Variants in POU2F2 observed in about 807,000 individuals in gnomAD.
The protein encoded by POU2F2 is POU domain, class 2, transcription factor 2.
Under a neutral mutation model 63.5 loss-of-function variants are expected in POU2F2, and 14 were observed. The observed-to-expected ratio is 0.22, with a 90% confidence interval of 0.15 to 0.34. The LOEUF is 0.34. Ranked by LOEUF, POU2F2 falls within the 10% of genes least tolerant of loss-of-function variation. POU2F2 has a pLI of 1.00. For missense variants in POU2F2, 607 were observed against 815.2 expected (o/e 0.74, Z 3.11); for synonymous variants, 306 against 348.6 (o/e 0.88, Z 1.36).
At chr19:42,134,889 G>C (rs749276583), upstream of POU2F2, among the ~76,000 whole-genome samples, 35 of 152,050 alleles carry the variant, frequency 2.3e-4, no homozygotes, top group Non-Finnish European at 4.4e-4. Context: ...CCGGCGAGTC[G>C]ATCAAATACA....
rs1359317421 is a variant in POU2F2 at position 42,087,205 on chromosome 19, C to G, written c.*4052G>C. 4.1e-5 allele frequency: 6 copies of G among 146,218 alleles called. No homozygotes were observed. The highest frequency in any genetic ancestry group is 1.5e-4 in the African/African-American group (6 of 39,400). 9.1% of individuals were successfully genotyped at this position (146,218 alleles called of 1,614,324 possible). On this transcript the variant is annotated 3_prime_UTR_variant, in exon 15 of 15. Coordinates refer to ENST00000692977, the MANE Select transcript of POU2F2 (RefSeq NM_001394376.1). ...TTTTTTCTCTTGGAGGCCTTTATCT[C>G]TCGCACTTGCCTTTCCCACTCAGAG...
In POU2F2 at chr19:42,145,495, A is replaced by G. The variant is rs574233264; in HGVS notation, c.-9+14837T>C. 2.6e-5 allele frequency among the ~76,000 whole-genome samples: 4 copies of G among 152,380 alleles called. No homozygotes were observed. The South Asian group carries it at 8.3e-4, about 32-fold the overall frequency. The stretch of plus-strand genomic sequence containing the variant: ...TATTAGCCCAGATCGCATGAGACAC[A>G]GTGCCTGTCATCGTTGAAGCAAACT... On this transcript the variant is annotated intron_variant, in intron 2 of 6. Transcript: ENST00000524801.
At chr19:42,175,437 G>C (rs2034854927) in intron 1 of POU2F2, among the ~76,000 whole-genome samples, 1 of 151,982 alleles carries the variant, frequency 6.6e-6, no homozygotes, top group South Asian at 2.1e-4. Flanking sequence ...CTGGCAACAG[G>C]GGAAATGAGT....
rs1447034437 is a variant in POU2F2, at chr19:42,105,998, T to TC, written c.370-6178_370-6177insG. On this transcript the variant is annotated intron_variant, in intron 5 of 14. Coordinates refer to ENST00000692977, the MANE Select transcript of POU2F2 (RefSeq NM_001394376.1). The stretch of plus-strand genomic sequence containing the variant: ...AACATATGATATATAGGATCTTTCT[T>TC]TTTTCTTTCTTTCTTTCTTTCTTTC... Among the ~76,000 whole-genome samples, 51 of 137,982 alleles carry TC rather than the reference T, an allele frequency of 3.7e-4. No individual in the cohort carries two copies. In the Middle Eastern group the frequency reaches 0.011, roughly 30 times the overall value. 90.5% of individuals were successfully genotyped at this position (137,982 alleles called of 152,430 possible).
chr19:42,154,060 G>A (rs984243719), intron 2 of POU2F2, among the ~76,000 whole-genome samples: 2 of 151,150 alleles, frequency 1.3e-5, no homozygotes, highest in African/African-American at 4.9e-5. Flanking sequence ...TCCACCAAGC[G>A]ACCTCCGTCC....
intron 1 of POU2F2, among the ~76,000 whole-genome samples, chr19:42,189,564 T>C (rs2035053213): frequency 6.6e-6 from 1 of 152,188 alleles, no homozygotes; most frequent in Non-Finnish European, 1.5e-5. Context: ...ATAAATATCT[T>C]TCTTGCTTAA....
intron 1 of POU2F2, among the ~76,000 whole-genome samples, chr19:42,184,293 A>T: frequency 6.6e-6 from 1 of 152,116 alleles, no homozygotes; most frequent in East Asian, 1.9e-4. Flanking sequence ...CTCTGGGCCA[A>T]GACTGGGGAT....
In POU2F2 at chr19:42,122,542, C is replaced by A; in HGVS notation, c.63G>T (p.Lys21Asn). ...IRMSKPLEAE[K>N]QGLDSPSEHT... ...GCTCTGATGGGGAGTCCAGACCTTG[C>A]TTCTCGGCCTCCAGGGGCTTAGACA... The change falls in exon 2 of 15, where the codon AAG (lysine) becomes AAT (asparagine). Residue 21 changes from lysine to asparagine, a missense_variant. Lys to Asn is a moderately conservative substitution (Grantham distance 94, BLOSUM62 0). This residue lies in a region of POU2F2 where 224 missense variants were observed against 264.3 expected (regional missense o/e 0.85). Transcript: ENST00000692977. The A allele has an allele frequency of 6.2e-7, 1 of 1,605,056 alleles. No individual in the cohort carries two copies. Among genetic ancestry groups the A allele is most frequent in the Non-Finnish European group, 8.5e-7 (1 of 1,175,784 alleles).
chr19:42,141,473 CTTTTTTTTTTTT>C (rs58221767), intron 2 of POU2F2, among the ~76,000 whole-genome samples: 1 of 98,976 alleles, frequency 1.0e-5, no homozygotes, highest in Non-Finnish European at 1.9e-5. Flanking sequence ...CTTAATTAAT[CTTTTTTTTTTTT>C]TTTTTTTTTT....
intron 1 of POU2F2, among the ~76,000 whole-genome samples, chr19:42,163,960 G>T (rs1187183944): frequency 6.6e-6 from 1 of 152,132 alleles, no homozygotes; most frequent in Non-Finnish European, 1.5e-5. Flanking sequence ...TTCATAATCT[G>T]TTGTTAGGAA....
chr19:42,095,218 G>A lies in POU2F2; in HGVS notation c.1197+68C>T. On this transcript the variant is annotated intron_variant, in intron 11 of 14. Transcript: ENST00000692977. This position sits in a 1 kb window ranked among gnomAD's most constrained non-coding sequence, Gnocchi z 7.1. The stretch of plus-strand genomic sequence containing the variant: ...TCTAGGCTCTGTGGACAACCAGGTA[G>A]GGTGGGCTTCACACAGGTGCCTGCG... 1 of 1,515,554 alleles carries A rather than the reference G, an allele frequency of 6.6e-7. No individual in the cohort carries two copies. Among genetic ancestry groups the A allele is most frequent in the Non-Finnish European group, 8.9e-7 (1 of 1,127,528 alleles). The allele number at this position is 1,515,554 out of a possible 1,614,324, so 93.9% of individuals were successfully genotyped here.
chr19:42,150,777 C>T (rs2034331532), intron 2 of POU2F2, among the ~76,000 whole-genome samples: 2 of 151,914 alleles, frequency 1.3e-5, no homozygotes, highest in African/African-American at 2.4e-5. Context: ...TTTTAAAACT[C>T]GCTGCACTCC....
intron 1 of POU2F2, among the ~76,000 whole-genome samples, chr19:42,171,431 CGTGTGTGTGT>C (rs71336804): frequency 4.4e-4 from 61 of 138,632 alleles, no homozygotes; most frequent in Non-Finnish European, 4.9e-4. Context: ...GGCTGCGCTT[CGTGTGTGTGT>C]GTGTGTGTGT....
rs556577129 is a variant in POU2F2, at chr19:42,169,359, G to A, written c.-70+6604C>T. ...ACACGAGGAGCACCCTGGTGTTTTGGTGTCTGTCTTGCCCTGAGAGGTCTC... is the reference window on the plus strand; with the variant it reads ...ACACGAGGAGCACCCTGGTGTTTTGATGTCTGTCTTGCCCTGAGAGGTCTC... On this transcript the variant is annotated intron_variant, in intron 1 of 6. Transcript: ENST00000524801. This position sits in a 1 kb window ranked among gnomAD's most constrained non-coding sequence, Gnocchi z 4.3. Among the ~76,000 whole-genome samples, 1 of 152,324 alleles carries A rather than the reference G, an allele frequency of 6.6e-6. No homozygotes were observed. The highest frequency in any genetic ancestry group is 2.1e-4 in the South Asian group (1 of 4,828).
At chr19:42,161,052 G>A (rs557043282) in intron 1 of POU2F2, among the ~76,000 whole-genome samples, 5 of 152,202 alleles carry the variant, frequency 3.3e-5, no homozygotes, top group South Asian at 2.1e-4. Flanking sequence ...GCTCTATTAC[G>A]GGGCTCACAG....
chr19:42,180,795 T>C (rs2034951881), upstream of POU2F2, among the ~76,000 whole-genome samples: 1 of 152,174 alleles, frequency 6.6e-6, no homozygotes, highest in Non-Finnish European at 1.5e-5. Context: ...AGCGTGATCA[T>C]GGCTCACTGT....
intron 2 of POU2F2, among the ~76,000 whole-genome samples, chr19:42,159,902 C>T (rs571400290): frequency 5.9e-4 from 90 of 152,236 alleles, no homozygotes; most frequent in Non-Finnish European, 1.0e-3. Flanking sequence ...TCCTCTATCT[C>T]CTTTTGCTCT....
rs2033838398 is a variant in POU2F2, at chr19:42,132,437, G to A, written c.-26C>T. 2 of 1,468,672 alleles carry A rather than the reference G, an allele frequency of 1.4e-6. No homozygotes were observed. Among genetic ancestry groups the A allele is most frequent in the South Asian group, 1.4e-5 (1 of 71,120 alleles). The allele number at this position is 1,468,672 out of a possible 1,614,324, so 91.0% of individuals were successfully genotyped here. A position where few individuals can be genotyped will look rare whatever the true frequency, so the allele number is the denominator to read the frequency against. On this transcript the variant is annotated 5_prime_UTR_variant, in exon 1 of 15. Transcript: ENST00000692977. The stretch of plus-strand genomic sequence containing the variant: ...GCTGCCCGCCCCGCCAGGGCTGGGG[G>A]AACAACTGTGTCATCTCCCCACCCT...
In POU2F2 at chr19:42,088,111, T is replaced by TTATC. The variant is rs1299277667; in HGVS notation, c.*3142_*3145dup. On this transcript the variant is annotated 3_prime_UTR_variant, in exon 15 of 15. Transcript: ENST00000692977. ...AAAGTTCTATGAGGTATTTGGTGCC[T>TTATC]TATCTCGAGTCCTCAGGGGAGGGGG... The TTATC allele has an allele frequency of 2.0e-5, 3 of 152,198 alleles. No individual in the cohort carries two copies. The highest frequency in any genetic ancestry group is 7.2e-5 in the African/African-American group (3 of 41,432). The allele number at this position is 152,198 out of a possible 1,614,324, so 9.4% of individuals were successfully genotyped here. A position where few individuals can be genotyped will look rare whatever the true frequency, so the allele number is the denominator to read the frequency against.
Sources: allele counts gnomAD v4.1 joint callset (sites outside exome capture counted in the v4.1 genomes callset), GRCh38; gene constraint gnomAD v4.1.1; regional missense constraint gnomAD v4.1.1; non-coding constraint Gnocchi (gnomAD v3.1); transcripts MANE v1.5; gene names NCBI Gene and HGNC (gene_info 2026-07-23, HGNC 2026-07-21).